The following FAAH2 variants were observed in gnomAD, a reference collection of about 807,000 sequenced individuals.
FAAH2 encodes fatty-acid amide hydrolase 2.
Under a neutral mutation model 36.9 loss-of-function variants are expected in FAAH2, and 60 were observed. The observed-to-expected ratio is 1.63, with a 90% confidence interval of 1.32 to 2.02. The LOEUF (loss-of-function observed/expected upper bound fraction) is 2.02. FAAH2 is among the 30% of genes most tolerant of loss of function. FAAH2 has a pLI of 0.00. For synonymous variants in FAAH2, 214 were observed against 143.8 expected, an observed-to-expected ratio of 1.49 and a Z score of -3.49; for missense variants, 689 against 397.5, an observed-to-expected ratio of 1.73 and a Z score of -6.23.
At position 57,331,682 on chromosome X, in the gene FAAH2, C is replaced by G. The variant is rs773888071; in HGVS notation, c.497C>G (p.Ala166Gly). 4 of 1,211,340 alleles carry G rather than the reference C, an allele frequency of 3.3e-6. No homozygotes were observed. Among genetic ancestry groups the G allele is most frequent in the East Asian group, 3.0e-5 (1 of 33,844 alleles). ...DATVVALLKG[A>G]GAIPLGITNC... ...ACTGTGGTGGCATTACTGAAGGGAG[C>G]TGGTGCCATTCCTCTTGGCATAACC... The change falls in exon 4 of 11, where the codon GCT (alanine) becomes GGT (glycine). Residue 166 changes from alanine to glycine, a missense_variant. Physicochemically the swap from Ala to Gly is moderately conservative, Grantham distance 60. Coordinates refer to ENST00000374900, the MANE Select transcript of FAAH2 (RefSeq NM_174912.4).
chrX:57,138,049 T>G, the FAAH2 span, among the ~76,000 whole-genome samples: 1 of 112,128 alleles, frequency 8.9e-6, no homozygotes, highest in East Asian at 2.8e-4. Context: ...ACATTAAGTG[T>G]TTCTCCAAAG....
intron 7 of FAAH2, among the ~76,000 whole-genome samples, chrX:57,384,222 T>C (rs1490570193): frequency 9.3e-6 from 1 of 107,463 alleles, no homozygotes; most frequent in African/African-American, 3.3e-5. Flanking sequence ...ATAAAAACCC[T>C]AGAAGAAAAC....
chrX:57,479,933 A>G (rs2057348841), intron 10 of FAAH2, among the ~76,000 whole-genome samples: 1 of 111,858 alleles, frequency 8.9e-6, no homozygotes, highest in Non-Finnish European at 1.9e-5. Context: ...AGGAGATATC[A>G]CCACCAATCC....
In FAAH2 at chrX:57,352,434, C is replaced by A. The variant is rs373183998; in HGVS notation, c.742+11044C>A. Among the ~76,000 whole-genome samples, 321 of 108,700 alleles carry A rather than the reference C, an allele frequency of 3.0e-3. 1 individual carries two copies. The highest frequency in any genetic ancestry group is 4.7e-3 in the Middle Eastern group (1 of 215). 94.4% of individuals were successfully genotyped at this position (108,700 alleles called of 115,157 possible). On this transcript the variant is annotated intron_variant, in intron 5 of 10. Coordinates refer to ENST00000374900, the MANE Select transcript of FAAH2 (RefSeq NM_174912.4). The stretch of plus-strand genomic sequence containing the variant: ...TATCATGCCTTCATGGTAAAAAAAT[C>A]AAAAAACTAGCCACAGAAGCAACAT...
At chrX:57,471,126 C>G (rs1435763260) in intron 10 of FAAH2, among the ~76,000 whole-genome samples, 1 of 111,664 alleles carries the variant, frequency 9.0e-6, no homozygotes, top group East Asian at 2.8e-4. Context: ...ATAACAAACT[C>G]ACAGCCAATA....
chrX:57,464,867 A>G (rs1464926859), intron 10 of FAAH2, among the ~76,000 whole-genome samples: 6 of 111,625 alleles, frequency 5.4e-5, no homozygotes, highest in Non-Finnish European at 1.1e-4. Context: ...TAACAAAAAA[A>G]ACAATGACAA....
chrX:57,132,693 C>T, the FAAH2 span, among the ~76,000 whole-genome samples: 5 of 112,447 alleles, frequency 4.4e-5, no homozygotes, highest in South Asian at 1.1e-3. Flanking sequence ...TCATCATATA[C>T]GAATAAAAAC....
intron 10 of FAAH2, among the ~76,000 whole-genome samples, chrX:57,471,672 G>A (rs1030168622): frequency 9.0e-6 from 1 of 111,557 alleles, no homozygotes; most frequent in South Asian, 3.7e-4. Flanking sequence ...ACTGCCCAAG[G>A]TAATTTATAG....
chrX:57,207,014 G>C, the FAAH2 span, among the ~76,000 whole-genome samples: 1 of 111,367 alleles, frequency 9.0e-6, no homozygotes, highest in Admixed American at 9.6e-5. Context: ...AAAGGTATAG[G>C]TGATGGAGGC....
At chrX:57,322,095 C>T (rs183530936) in intron 3 of FAAH2, among the ~76,000 whole-genome samples, 1,229 of 110,530 alleles carry the variant, frequency 0.011, 18 homozygotes, top group African/African-American at 0.039. Context: ...CTCTGCCTCC[C>T]GGGTTCACGC....
intron 5 of FAAH2, among the ~76,000 whole-genome samples, chrX:57,372,794 G>C (rs532350116): frequency 9.1e-6 from 1 of 110,133 alleles, no homozygotes; most frequent in Non-Finnish European, 1.9e-5. Flanking sequence ...TTTTTTAGTG[G>C]TGATTTCTGA....
At chrX:57,133,779 C>T in the FAAH2 span, among the ~76,000 whole-genome samples, 2 of 111,906 alleles carry the variant, frequency 1.8e-5, no homozygotes, top group Admixed American at 9.4e-5. Flanking sequence ...CCTGGGCAGC[C>T]AGCTGGTATT....
intron 10 of FAAH2, among the ~76,000 whole-genome samples, chrX:57,464,276 G>A (rs1284215158): frequency 7.2e-5 from 8 of 110,950 alleles, no homozygotes; most frequent in Non-Finnish European, 1.3e-4. Flanking sequence ...GGAAAGGGGA[G>A]CAAGAGCATT....
chrX:57,422,955 C>T (rs989002117), intron 7 of FAAH2, among the ~76,000 whole-genome samples: 6 of 111,996 alleles, frequency 5.4e-5, no homozygotes, highest in Non-Finnish European at 1.1e-4. Flanking sequence ...TGGGTGGGTC[C>T]AATGGAAATT....
the FAAH2 span, among the ~76,000 whole-genome samples, chrX:57,211,327 G>T: frequency 8.1e-5 from 9 of 111,369 alleles, no homozygotes; most frequent in East Asian, 2.6e-3. Flanking sequence ...CTCGTCTCTG[G>T]AACACTACTA....
At chrX:57,364,368 A>AT (rs1197448969) in intron 5 of FAAH2, among the ~76,000 whole-genome samples, 5 of 100,126 alleles carry the variant, frequency 5.0e-5, no homozygotes, top group African/African-American at 1.1e-4. Context: ...GTCTCTACAG[A>AT]TTTTTTTGTG....
intron 5 of FAAH2, among the ~76,000 whole-genome samples, chrX:57,343,280 A>T (rs186867048): frequency 2.7e-5 from 3 of 111,548 alleles, no homozygotes; most frequent in Non-Finnish European, 5.7e-5. Context: ...CATCAGTGTC[A>T]GTTATTTTTG....
chrX:57,328,373 GA>G (rs2053288098), intron 3 of FAAH2, among the ~76,000 whole-genome samples: 1 of 111,393 alleles, frequency 9.0e-6, no homozygotes, highest in African/African-American at 3.3e-5. Flanking sequence ...ATTTTTTCAT[GA>G]AATTTTTATA....
At chrX:57,430,678 T>A (rs929596343) in intron 7 of FAAH2, among the ~76,000 whole-genome samples, 1 of 112,207 alleles carries the variant, frequency 8.9e-6, no homozygotes, top group African/African-American at 3.2e-5. Context: ...CTGCTTTGAC[T>A]CTTCTGCTTA....
Sources: allele counts gnomAD v4.1 joint callset (sites outside exome capture counted in the v4.1 genomes callset), GRCh38; gene constraint gnomAD v4.1.1; transcripts MANE v1.5; gene names NCBI Gene and HGNC (gene_info 2026-07-23, HGNC 2026-07-21).